The following MDFIC variants were observed in gnomAD, a reference collection of about 807,000 sequenced individuals.
MDFIC encodes the protein myoD family inhibitor domain-containing protein.
A neutral mutation model predicts 23.2 loss-of-function variants in MDFIC; 17 were observed. The observed-to-expected ratio is 0.73, with a 90% CI of 0.50 to 1.10. The LOEUF is 1.10. Among genes scored for constraint, MDFIC ranks in the 50% least tolerant of loss-of-function variants. The pLI, the probability that MDFIC is intolerant of heterozygous loss-of-function variation, is 0.00. For synonymous variants in MDFIC, 120 were observed against 115.2 expected (o/e 1.04, Z -0.27); for missense variants, 356 against 316.6 (o/e 1.12, Z -0.95).
intron 3 of MDFIC, among the ~76,000 whole-genome samples, chr7:114,943,293 T>G (rs1484382560): frequency 6.6e-6 from 1 of 152,134 alleles, no homozygotes; most frequent in East Asian, 1.9e-4. Context: ...ACACTTACTT[T>G]GAAACTTAGA....
intron 3 of MDFIC, among the ~76,000 whole-genome samples, chr7:114,953,854 G>C (rs987368993): frequency 6.6e-6 from 1 of 152,112 alleles, no homozygotes; most frequent in South Asian, 2.1e-4. Context: ...TATGTAAATA[G>C]TTGTTATACT....
intron 4 of MDFIC, among the ~76,000 whole-genome samples, chr7:114,993,825 G>A (rs1791245918): frequency 6.6e-6 from 1 of 152,196 alleles, no homozygotes; most frequent in African/African-American, 2.4e-5. Context: ...TGTATATTCT[G>A]TTGATTTGGG....
chr7:114,936,617 T>C (rs963779705), intron 2 of MDFIC, among the ~76,000 whole-genome samples: 3 of 152,106 alleles, frequency 2.0e-5, no homozygotes, highest in African/African-American at 4.8e-5. Flanking sequence ...GTTGTTCCCT[T>C]GTGAAGTAGC....
chr7:114,950,374 T>C (rs1792741292), intron 3 of MDFIC, among the ~76,000 whole-genome samples: 1 of 152,130 alleles, frequency 6.6e-6, no homozygotes, highest in African/African-American at 2.4e-5. Context: ...AAGTGATAGT[T>C]GTGATGAAAT....
At chr7:114,969,429 G>A (rs538538567) in intron 3 of MDFIC, among the ~76,000 whole-genome samples, 3 of 152,312 alleles carry the variant, frequency 2.0e-5, no homozygotes, top group East Asian at 1.9e-4. Context: ...CAGCATATAT[G>A]TGTCTGATAC....
At chr7:114,970,444 C>T (rs1793184064) in intron 3 of MDFIC, among the ~76,000 whole-genome samples, 2 of 152,046 alleles carry the variant, frequency 1.3e-5, no homozygotes, top group South Asian at 4.1e-4. Context: ...GTCACTGGCT[C>T]CAAATTTGTG....
chr7:115,018,873 T>C lies in MDFIC; in HGVS notation c.*2938T>C, dbSNP rs1241763487. On this transcript the variant is annotated 3_prime_UTR_variant, in exon 5 of 5. Coordinates refer to ENST00000393486, the MANE Select transcript of MDFIC (RefSeq NM_001166345.3). ...CATGTTTCATCCCTGTCTGAAGATT[T>C]CCTAGTCTTCTTATGTAAATCACAT... The C allele has an allele frequency of 2.6e-5, 4 of 152,004 alleles. No homozygotes were observed. Among genetic ancestry groups the C allele is most frequent in the Non-Finnish European group, 4.4e-5 (3 of 67,880 alleles). The allele number at this position is 152,004 out of a possible 1,614,324, so 9.4% of individuals were successfully genotyped here.
At chr7:114,952,121 T>C (rs182353148) in intron 3 of MDFIC, among the ~76,000 whole-genome samples, 1 of 152,352 alleles carries the variant, frequency 6.6e-6, no homozygotes, top group Admixed American at 6.5e-5. Context: ...ATAATTGTTT[T>C]ATCAGCAAAT....
At chr7:115,007,675 T>C (rs1791599138) in intron 4 of MDFIC, among the ~76,000 whole-genome samples, 1 of 146,264 alleles carries the variant, frequency 6.8e-6, no homozygotes, top group African/African-American at 2.6e-5. Flanking sequence ...TCCTGGAATT[T>C]GTTTTGTTTT....
intron 2 of MDFIC, among the ~76,000 whole-genome samples, chr7:114,926,538 G>T (rs551426684): frequency 2.6e-5 from 4 of 152,136 alleles, no homozygotes; most frequent in African/African-American, 9.7e-5. Context: ...TTGTCAAGAC[G>T]TAGATCGTTG....
At chr7:114,931,873 G>C (rs1165176272) in intron 2 of MDFIC, among the ~76,000 whole-genome samples, 1 of 152,194 alleles carries the variant, frequency 6.6e-6, no homozygotes, top group African/African-American at 2.4e-5. Flanking sequence ...CAGGTGACAG[G>C]CTCTCTGAAA....
chr7:114,926,303 A>G (rs1348078109), intron 2 of MDFIC, among the ~76,000 whole-genome samples: 1 of 152,236 alleles, frequency 6.6e-6, no homozygotes, highest in African/African-American at 2.4e-5. Flanking sequence ...AAAGAATTTA[A>G]GTGACTTGCC....
intron 4 of MDFIC, among the ~76,000 whole-genome samples, chr7:115,012,682 A>C (rs1585124737): frequency 1.3e-5 from 2 of 152,284 alleles, no homozygotes; most frequent in Non-Finnish European, 2.9e-5. Flanking sequence ...AAATATCCAT[A>C]AATAGTAGAA....
intron 4 of MDFIC, among the ~76,000 whole-genome samples, chr7:114,984,189 G>A (rs1375322313): frequency 6.6e-6 from 1 of 152,168 alleles, no homozygotes; most frequent in African/African-American, 2.4e-5. Flanking sequence ...GCCAAGCAGG[G>A]ATCTTCTTCT....
chr7:115,010,154 A>C (rs550670322), intron 4 of MDFIC, among the ~76,000 whole-genome samples: 14 of 152,306 alleles, frequency 9.2e-5, no homozygotes, highest in African/African-American at 3.4e-4. Flanking sequence ...TTCTCTATTC[A>C]AGCCTTCTTA....
chr7:114,976,497 C>T (rs564043518), intron 3 of MDFIC, among the ~76,000 whole-genome samples: 3 of 152,240 alleles, frequency 2.0e-5, no homozygotes, highest in Admixed American at 1.3e-4. Context: ...AACCATTGCA[C>T]ACCCGTAGAA....
Position 114,924,007 on chromosome 7 carries a change from T to A in MDFIC, c.94+880T>A, listed in dbSNP as rs545461967. ...GTACTAATGTAGTGAATCTTAGGGA[T>A]TTTTTTTAAGGCAGCAAAAATTGGA... is the stretch of plus-strand genomic sequence containing the variant. On this transcript the variant is annotated intron_variant, in intron 2 of 4. Transcript: ENST00000393486. 7.2e-5 allele frequency among the ~76,000 whole-genome samples: 11 copies of A among 152,066 alleles called. No homozygotes were observed. In the East Asian group the frequency reaches 2.1e-3, roughly 29 times the overall value.
intron 3 of MDFIC, among the ~76,000 whole-genome samples, chr7:114,943,292 T>C (rs1203442456): frequency 6.6e-6 from 1 of 152,168 alleles, no homozygotes; most frequent in African/African-American, 2.4e-5. Context: ...TACACTTACT[T>C]TGAAACTTAG....
At chr7:114,980,087 CAT>C (rs1004085091) in intron 4 of MDFIC, 101 of 385,678 alleles carry the variant, frequency 2.6e-4, no homozygotes, top group African/African-American at 2.0e-3. Context: ...TGATGGCATA[CAT>C]GAGTGTGTGT....
Sources: allele counts gnomAD v4.1 joint callset (sites outside exome capture counted in the v4.1 genomes callset), GRCh38; gene constraint gnomAD v4.1.1; transcripts MANE v1.5; gene names NCBI Gene and HGNC (gene_info 2026-07-23, HGNC 2026-07-21).